CSMD1: variants seen among roughly 807,000 people sequenced by gnomAD.
The protein encoded by CSMD1 is CUB and Sushi multiple domains 1, also known as CUB and sushi domain-containing protein 1.
Under a neutral mutation model 417.5 loss-of-function variants are expected in CSMD1, and 213 were observed. The ratio of observed to expected loss-of-function variants is 0.51; its 90% CI spans 0.46 to 0.57. The LOEUF (loss-of-function observed/expected upper bound fraction) is 0.57. Ranked by LOEUF, CSMD1 falls within the 20% of genes least tolerant of loss-of-function variation. CSMD1 has a pLI of 0.00. For synonymous variants in CSMD1, 2,862 were observed against 1,736.8 expected, an observed-to-expected ratio of 1.65 and a Z score of -16.11; for missense variants, 6,923 against 4,529.7, an observed-to-expected ratio of 1.53 and a Z score of -15.17.
chr8:3,185,045 C>T (rs1433681773), intron 36 of CSMD1, among the ~76,000 whole-genome samples: 1 of 152,150 alleles, frequency 6.6e-6, no homozygotes, highest in Non-Finnish European at 1.5e-5. Context: ...TTCTCAAGTT[C>T]CGTGAGGTAC....
chr8:3,573,367 A>G (rs532623211), intron 10 of CSMD1, among the ~76,000 whole-genome samples: 4 of 152,278 alleles, frequency 2.6e-5, no homozygotes, highest in African/African-American at 9.6e-5. Context: ...TAGCATATAG[A>G]AAAAACAAGG....
intron 2 of CSMD1, among the ~76,000 whole-genome samples, chr8:4,606,359 A>G: frequency 6.6e-6 from 1 of 152,036 alleles, no homozygotes; most frequent in East Asian, 1.9e-4. Context: ...AGGGAGAGAA[A>G]AAAAAAAAAG....
At chr8:3,383,323 G>C (rs371241272) in intron 18 of CSMD1, among the ~76,000 whole-genome samples, 4 of 152,242 alleles carry the variant, frequency 2.6e-5, no homozygotes, top group East Asian at 1.9e-4. Flanking sequence ...TTTTAGGAGA[G>C]AACAACAGAA....
intron 21 of CSMD1, among the ~76,000 whole-genome samples, chr8:3,357,373 C>T (rs552552651): frequency 6.6e-6 from 1 of 152,334 alleles, no homozygotes; most frequent in Admixed American, 6.5e-5. Context: ...TAACAGGGAA[C>T]TGTCCATCAC....
chr8:4,834,633 C>A (rs1358454849), intron 1 of CSMD1, among the ~76,000 whole-genome samples: 2 of 151,646 alleles, frequency 1.3e-5, no homozygotes, highest in Non-Finnish European at 2.9e-5. Flanking sequence ...GAGGAAGTAG[C>A]TAGCTAGTGA....
chr8:4,029,511 C>T (rs937889472), intron 4 of CSMD1, among the ~76,000 whole-genome samples: 6 of 152,126 alleles, frequency 3.9e-5, no homozygotes, highest in Non-Finnish European at 7.3e-5. Context: ...GACTTATTCA[C>T]TATCACAAGA....
chr8:4,271,014 G>C (rs185923086), intron 3 of CSMD1, among the ~76,000 whole-genome samples: 3 of 152,196 alleles, frequency 2.0e-5, no homozygotes, highest in East Asian at 1.9e-4. Context: ...TATGAGAGCA[G>C]GTCCTAGTGG....
At chr8:3,417,324 A>T (rs1206174864) in intron 12 of CSMD1, among the ~76,000 whole-genome samples, 1 of 152,210 alleles carries the variant, frequency 6.6e-6, no homozygotes, top group Non-Finnish European at 1.5e-5. Context: ...AATATTTCTT[A>T]AAAATAGTGG....
intron 5 of CSMD1, among the ~76,000 whole-genome samples, chr8:3,840,252 C>G (rs1803037582): frequency 6.6e-6 from 1 of 151,992 alleles, no homozygotes; most frequent in Admixed American, 6.6e-5. Context: ...CATAAATTAG[C>G]CAAATGGTGA....
At chr8:4,910,940 T>A (rs887594318) in intron 1 of CSMD1, among the ~76,000 whole-genome samples, 12 of 152,176 alleles carry the variant, frequency 7.9e-5, no homozygotes, top group African/African-American at 2.7e-4. Context: ...GTCTCTCCCA[T>A]GCTGTTCTCA....
chr8:4,482,042 G>A (rs1044357420), intron 2 of CSMD1, among the ~76,000 whole-genome samples: 1 of 152,096 alleles, frequency 6.6e-6, no homozygotes, highest in Non-Finnish European at 1.5e-5. Context: ...CCCTTCCATG[G>A]CCACCTTTAT....
Position 3,297,010 on chromosome 8 carries a change from G to A in CSMD1, c.3950+10685C>T, listed in dbSNP as rs559330442. On this transcript the variant is annotated intron_variant, in intron 25 of 69. Transcript: ENST00000635120. Reference sequence around the variant, plus strand: ...AACTATAGGACTGGATGAAATCTTCGAAGTTCTTAGGTGGAGAATAGAAGA... The same window carrying A: ...AACTATAGGACTGGATGAAATCTTCAAAGTTCTTAGGTGGAGAATAGAAGA... Among the ~76,000 whole-genome samples, 85 of 152,240 alleles carry A rather than the reference G, an allele frequency of 5.6e-4. No homozygotes were observed. In the South Asian group the frequency reaches 6.6e-3, roughly 12 times the overall value.
At chr8:3,402,941 G>C (rs1306417344) in intron 15 of CSMD1, among the ~76,000 whole-genome samples, 1 of 152,090 alleles carries the variant, frequency 6.6e-6, no homozygotes, top group Non-Finnish European at 1.5e-5. Flanking sequence ...AGGTTTTGCT[G>C]TCTCACATTG....
At chr8:3,601,303 T>A (rs1801350316) in intron 8 of CSMD1, among the ~76,000 whole-genome samples, 1 of 152,218 alleles carries the variant, frequency 6.6e-6, no homozygotes, top group African/African-American at 2.4e-5. Context: ...TCAGCTGTCC[T>A]TATTCTTCCA....
At chr8:4,180,622 A>T (rs923876569) in intron 3 of CSMD1, among the ~76,000 whole-genome samples, 1 of 152,150 alleles carries the variant, frequency 6.6e-6, no homozygotes, top group African/African-American at 2.4e-5. Context: ...AAAACAAAAC[A>T]GAACAAAACA....
chr8:3,640,366 A>G (rs917878387), intron 7 of CSMD1, among the ~76,000 whole-genome samples: 1 of 152,236 alleles, frequency 6.6e-6, no homozygotes, highest in African/African-American at 2.4e-5. Flanking sequence ...TATTGAAGGC[A>G]TTGTCAAATA....
intron 3 of CSMD1, among the ~76,000 whole-genome samples, chr8:4,123,445 A>C (rs773373050): frequency 6.6e-6 from 1 of 152,130 alleles, no homozygotes; most frequent in Non-Finnish European, 1.5e-5. Flanking sequence ...TTGGCCTTTA[A>C]TGTTTAAATA....
At chr8:3,096,794 G>C (rs1317042197) in intron 47 of CSMD1, 55 bp downstream of exon 47, 4 of 1,068,306 alleles carry the variant, frequency 3.7e-6, no homozygotes, top group South Asian at 3.3e-5. Flanking sequence ...CATTGTAATA[G>C]TGTTTTTATC....
chr8:4,671,129 A>T (rs1481812885), intron 1 of CSMD1, among the ~76,000 whole-genome samples: 1 of 152,196 alleles, frequency 6.6e-6, no homozygotes, highest in African/African-American at 2.4e-5. Flanking sequence ...TGCACTCAGT[A>T]TTCTCTCTTC....
Sources: gnomAD v4.1 joint callset for allele counts (sites outside exome capture counted in the v4.1 genomes callset) on GRCh38, gnomAD v4.1.1 for gene constraint, MANE v1.5 for transcripts, NCBI Gene and HGNC (gene_info 2026-07-23, HGNC 2026-07-21) for gene names.